Variants in TCF4 observed in about 807,000 individuals in gnomAD.
TCF4 encodes transcription factor 4, also known as SL3-3 enhancer factor 2.
In TCF4, 3 loss-of-function variants were observed where a neutral mutation model predicts 82.1. The ratio of observed to expected loss-of-function variants is 0.04; its 90% CI spans 0.02 to 0.09. The LOEUF (loss-of-function observed/expected upper bound fraction) is 0.09, where lower values mean the gene tolerates loss of function less well. Ranked by LOEUF, TCF4 falls within the 10% of genes least tolerant of loss-of-function variation. The pLI, the probability that TCF4 is intolerant of heterozygous loss-of-function variation, is 1.00. For missense variants in TCF4, 518 were observed against 852.7 expected (o/e 0.61, Z 4.89); for synonymous variants, 276 against 309.6 (o/e 0.89, Z 1.14).
At chr18:55,520,700 A>G (rs183042121) in intron 3 of TCF4, among the ~76,000 whole-genome samples, 10 of 152,356 alleles carry the variant, frequency 6.6e-5, no homozygotes, top group Non-Finnish European at 1.5e-4. Context: ...AGAACTGGTT[A>G]AAGAAAATGT....
intron 5 of TCF4, among the ~76,000 whole-genome samples, chr18:55,432,334 T>C (rs974971545): frequency 3.3e-5 from 5 of 152,044 alleles, no homozygotes; most frequent in African/African-American, 1.2e-4. Flanking sequence ...TATGATAATC[T>C]TCCTTTGCAG....
chr18:55,553,214 C>G (rs1021822746), intron 3 of TCF4: 1 of 152,182 alleles, frequency 6.6e-6, no homozygotes, highest in African/African-American at 2.4e-5. Context: ...ACATACATAG[C>G]AGTCACTTCA....
intron 6 of TCF4, among the ~76,000 whole-genome samples, chr18:55,379,821 G>A (rs2091561585): frequency 6.6e-6 from 1 of 152,096 alleles, no homozygotes; most frequent in Non-Finnish European, 1.5e-5. Context: ...AGTTCCGGAG[G>A]CTAGAATTCT....
Position 55,234,544 on chromosome 18 carries a change from C to T in TCF4, c.1486+4G>A, listed in dbSNP as rs201274415. The T allele has an allele frequency of 1.2e-6, 2 of 1,614,056 alleles. No homozygotes were observed. Among genetic ancestry groups the T allele is most frequent in the East Asian group, 2.2e-5 (1 of 44,890 alleles). On this transcript the variant is annotated splice_donor_region_variant and intron_variant, in intron 16 of 19. Coordinates refer to ENST00000354452, the MANE Select transcript of TCF4 (RefSeq NM_001083962.2). Reference sequence around the variant, plus strand: ...TCAGAAGTGCCCTGGTGAGGCCAACCTACCTCTGTAAGGGTCCTGGGGTGG... The same window carrying T: ...TCAGAAGTGCCCTGGTGAGGCCAACTTACCTCTGTAAGGGTCCTGGGGTGG...
intron 15 of TCF4, among the ~76,000 whole-genome samples, chr18:55,240,936 C>T (rs2051010871): frequency 6.6e-6 from 1 of 152,224 alleles, no homozygotes; most frequent in Admixed American, 6.5e-5. Context: ...CCAGAAACAT[C>T]ACAGCTTCTC....
At chr18:55,472,539 G>A (rs2096207125) in intron 3 of TCF4, among the ~76,000 whole-genome samples, 1 of 152,098 alleles carries the variant, frequency 6.6e-6, no homozygotes, top group African/African-American at 2.4e-5. Flanking sequence ...ACCTTTTAAA[G>A]CAATATCCTA....
chr18:55,434,062 C>T (rs1569470529), intron 5 of TCF4, among the ~76,000 whole-genome samples: 1 of 152,120 alleles, frequency 6.6e-6, no homozygotes, highest in Non-Finnish European at 1.5e-5. Context: ...GCTTGTCATA[C>T]ACAAAATAGT....
intron 2 of TCF4, chr18:55,585,910 A>G (rs1318210920): frequency 1.6e-6 from 2 of 1,240,820 alleles, no homozygotes; most frequent in Non-Finnish European, 2.0e-6. Context: ...CTCTCTCTCC[A>G]GCATTTATTT....
chr18:55,260,145 T>C (rs1413820127), intron 12 of TCF4, 118 bp from the exon 13 acceptor site: 6 of 765,068 alleles, frequency 7.8e-6, no homozygotes, highest in African/African-American at 1.8e-5. Flanking sequence ...AGCATACATG[T>C]AATAATCAAC....
At chr18:55,482,027 C>T (rs1302160936) in intron 3 of TCF4, 2 of 152,146 alleles carry the variant, frequency 1.3e-5, no homozygotes, top group Admixed American at 1.3e-4. Context: ...CAGCTAGCAT[C>T]AGGATTGGAG....
At chr18:55,427,919 T>C (rs1208086431) in intron 5 of TCF4, among the ~76,000 whole-genome samples, 3 of 152,228 alleles carry the variant, frequency 2.0e-5, no homozygotes, top group Admixed American at 6.5e-5. Context: ...ACATGGGATT[T>C]TGCATGACCT....
chr18:55,627,827 G>T (rs907357408), intron 2 of TCF4, among the ~76,000 whole-genome samples: 1 of 151,714 alleles, frequency 6.6e-6, no homozygotes, highest in African/African-American at 2.4e-5. Flanking sequence ...TTGGGAGGCC[G>T]AGGCGGGCGG....
intron 8 of TCF4, among the ~76,000 whole-genome samples, chr18:55,300,101 C>T (rs554802444): frequency 1.4e-4 from 19 of 133,736 alleles, no homozygotes; most frequent in African/African-American, 3.2e-4. Flanking sequence ...TACAGATATA[C>T]ACACACACAC....
chr18:55,562,295 G>A (rs529150220), intron 3 of TCF4, among the ~76,000 whole-genome samples: 2 of 152,210 alleles, frequency 1.3e-5, no homozygotes, highest in African/African-American at 4.8e-5. Flanking sequence ...TCTTTACTGA[G>A]GAAGGATGAT....
chr18:55,484,066 T>C (rs1568188808), intron 3 of TCF4, among the ~76,000 whole-genome samples: 1 of 152,234 alleles, frequency 6.6e-6, no homozygotes, highest in Admixed American at 6.5e-5. Context: ...GGAGAACCTA[T>C]AATTTCTCCT....
chr18:55,401,822 A>C, intron 6 of TCF4: 12 of 979,580 alleles, frequency 1.2e-5, no homozygotes, highest in Non-Finnish European at 1.3e-5. Flanking sequence ...CTATTCTCTC[A>C]ATGACCAGAA....
At chr18:55,475,445 C>T (rs1324505965) in intron 3 of TCF4, among the ~76,000 whole-genome samples, 1 of 152,164 alleles carries the variant, frequency 6.6e-6, no homozygotes, top group Non-Finnish European at 1.5e-5. Context: ...TTTTGATCAC[C>T]TGGTCAAAGT....
At chr18:55,362,968 C>T (rs1286450926) in intron 6 of TCF4, among the ~76,000 whole-genome samples, 1 of 152,128 alleles carries the variant, frequency 6.6e-6, no homozygotes, top group Non-Finnish European at 1.5e-5. Context: ...AAAATCTTTT[C>T]ACACAAATAT....
chr18:55,516,111 T>C (rs188590458), intron 3 of TCF4, among the ~76,000 whole-genome samples: 3 of 152,266 alleles, frequency 2.0e-5, no homozygotes, highest in Admixed American at 6.5e-5. Flanking sequence ...GTAACAGCGA[T>C]CATTCAGTGA....
Sources: gnomAD v4.1 joint callset for allele counts (sites outside exome capture counted in the v4.1 genomes callset) on GRCh38, gnomAD v4.1.1 for gene constraint, MANE v1.5 for transcripts, NCBI Gene and HGNC (gene_info 2026-07-23, HGNC 2026-07-21) for gene names.